VAC14: variants seen among roughly 807,000 people sequenced by gnomAD.
VAC14 encodes the protein protein VAC14 homolog.
In VAC14, 47 loss-of-function variants were observed where a neutral mutation model predicts 85.3. That is an observed-to-expected ratio of 0.55 (90% CI 0.44 to 0.70). The LOEUF (loss-of-function observed/expected upper bound fraction) is 0.70. Among genes scored for constraint, VAC14 ranks in the 30% least tolerant of loss-of-function variants. VAC14 has a pLI of 0.00. For missense variants in VAC14, 861 were observed against 1,004.3 expected (o/e 0.86, Z 1.93); for synonymous variants, 447 against 430.5 (o/e 1.04, Z -0.47).
intron 13 of VAC14, among the ~76,000 whole-genome samples, chr16:70,736,780 T>C: frequency 6.6e-6 from 1 of 152,166 alleles, no homozygotes; most frequent in Non-Finnish European, 1.5e-5. Flanking sequence ...TTAAAGACTT[T>C]CTGCCCTCCC....
intron 14 of VAC14, among the ~76,000 whole-genome samples, chr16:70,700,722 C>G (rs1156478003): frequency 6.6e-6 from 1 of 152,228 alleles, no homozygotes; most frequent in Non-Finnish European, 1.5e-5. Context: ...GTCCCCCAAC[C>G]CCTCCATGAG....
intron 14 of VAC14, among the ~76,000 whole-genome samples, chr16:70,726,187 G>A (rs965850437): frequency 2.0e-5 from 3 of 152,262 alleles, no homozygotes; most frequent in African/African-American, 7.2e-5. Flanking sequence ...TTCACGGGGA[G>A]ACAAGGCCTG....
chr16:70,784,886 T>G, intron 3 of VAC14, 48 bp from the exon 4 acceptor site: 64 of 1,554,976 alleles, frequency 4.1e-5, no homozygotes, highest in Middle Eastern at 1.7e-4. Flanking sequence ...AGGGTCACGG[T>G]TGGATGCAAG....
rs1228127778 is a variant in VAC14, at chr16:70,744,429, T to C, written c.1522A>G (p.Thr508Ala). The C allele has an allele frequency of 6.8e-6, 11 of 1,613,762 alleles. No homozygotes were observed. Among genetic ancestry groups the C allele is most frequent in the Non-Finnish European group, 8.5e-6 (10 of 1,179,958 alleles). ...CCTTCAGGAGAAGACTTACCAGAGG[T>C]GTTCAGTAGGCCGGCTCTGCCAGGG... ...PTPGRAGLLN[T>A]SGTKGLECSP... Residue 508 changes from threonine (T) to alanine (A), a missense_variant, in exon 13 of 19, where the codon ACC (threonine) becomes GCC (alanine). By Grantham distance (58) the Thr-to-Ala change is moderately conservative (BLOSUM62 0). Around this residue, in one of 3 missense-constraint regions of VAC14, gnomAD observed 629 missense variants for 703.1 expected, o/e 0.89. Transcript: ENST00000261776.
intron 17 of VAC14, 90 bp downstream of exon 17, chr16:70,695,452 CAA>C: frequency 7.3e-7 from 1 of 1,372,098 alleles, no homozygotes; most frequent in South Asian, 1.2e-5. Context: ...CCTCCCCAGC[CAA>C]AAGAGACCAA....
chr16:70,784,722 G>T, intron 4 of VAC14, 54 bp downstream of exon 4: 1 of 1,523,936 alleles, frequency 6.6e-7, no homozygotes, highest in Non-Finnish European at 9.1e-7. Context: ...AAGCTTTACA[G>T]ACAGACGGGA....
At chr16:70,798,060 A>C (rs1197372756) in intron 1 of VAC14, among the ~76,000 whole-genome samples, 20 of 152,250 alleles carry the variant, frequency 1.3e-4, no homozygotes, top group Admixed American at 1.3e-3. Context: ...ATTAGCTCAA[A>C]CAACTCTATG....
intron 18 of VAC14, chr16:70,688,494 T>C (rs2053540920): frequency 2.0e-6 from 2 of 989,370 alleles, no homozygotes; most frequent in Non-Finnish European, 2.4e-6. Context: ...GCTTGGCCCT[T>C]TCTCTGAGAG....
At chr16:70,706,087 T>C (rs2053915442) in intron 14 of VAC14, among the ~76,000 whole-genome samples, 1 of 152,044 alleles carries the variant, frequency 6.6e-6, no homozygotes, top group Non-Finnish European at 1.5e-5. Context: ...CCCCAGCAGG[T>C]CCAATTCTCT....
At position 70,687,876 on chromosome 16, in the gene VAC14, C is replaced by T; in HGVS notation, c.*52G>A. 1 of 1,430,612 alleles carries T rather than the reference C, an allele frequency of 7.0e-7. No individual in the cohort carries two copies. Among genetic ancestry groups the T allele is most frequent in the South Asian group, 1.5e-5 (1 of 64,542 alleles). The allele number at this position is 1,430,612 out of a possible 1,614,324, so 88.6% of individuals were successfully genotyped here. On this transcript the variant is annotated 3_prime_UTR_variant, in exon 19 of 19. Coordinates refer to ENST00000261776, the MANE Select transcript of VAC14 (RefSeq NM_018052.5). ...TGAGCTCCTCGGGAGGGCGTGACGA[C>T]CCTTAGTGTTTCATGGGACCACTCG...
intron 12 of VAC14, chr16:70,747,044 C>G (rs866680400): frequency 6.6e-6 from 1 of 152,150 alleles, no homozygotes; most frequent in Non-Finnish European, 1.5e-5. Context: ...ATGCTCACAG[C>G]GGCATTTTTC....
At chr16:70,718,381 G>A (rs1422916687) in intron 14 of VAC14, among the ~76,000 whole-genome samples, 2 of 152,074 alleles carry the variant, frequency 1.3e-5, no homozygotes, top group Non-Finnish European at 2.9e-5. Flanking sequence ...GACCATCCTG[G>A]CTAACATGGT....
chr16:70,783,477 G>C lies in VAC14; in HGVS notation c.672C>G (p.Ile224Met). The C allele has an allele frequency of 6.2e-7, 1 of 1,614,076 alleles. No individual in the cohort carries two copies. Residue 224 changes from isoleucine (I) to methionine (M), a missense_variant, in exon 6 of 19, where the codon ATC becomes ATG. Coordinates refer to ENST00000261776, the MANE Select transcript of VAC14 (RefSeq NM_018052.5). The stretch of plus-strand genomic sequence containing the variant: ...GAATCTCTTTGCCATTGTCACCCAG[G>C]ATCTGGAAGAGTCCATCCAGGATCT... ...LPEILDGLFQ[I>M]LGDNGKEIRK...
At chr16:70,787,583 C>T (rs1353985972) in intron 1 of VAC14, among the ~76,000 whole-genome samples, 1 of 152,210 alleles carries the variant, frequency 6.6e-6, no homozygotes, top group Non-Finnish European at 1.5e-5. Flanking sequence ...GGCCTCTGCC[C>T]TCCCAAATCT....
intron 1 of VAC14, among the ~76,000 whole-genome samples, chr16:70,798,785 C>G (rs879581579): frequency 6.6e-6 from 1 of 152,182 alleles, no homozygotes; most frequent in Admixed American, 6.5e-5. Flanking sequence ...CTGTAGGCCA[C>G]GCTTTTGGGC....
chr16:70,786,703 C>T (rs2034076621), intron 1 of VAC14, among the ~76,000 whole-genome samples: 1 of 152,218 alleles, frequency 6.6e-6, no homozygotes, highest in Non-Finnish European at 1.5e-5. Context: ...ACTCAGCTTT[C>T]CATTCGTGCA....
At chr16:70,694,430 C>T (rs1195603496) in intron 17 of VAC14, among the ~76,000 whole-genome samples, 1 of 152,196 alleles carries the variant, frequency 6.6e-6, no homozygotes, top group Middle Eastern at 3.2e-3. Context: ...AGGGTCTCCC[C>T]CCTGCTCTTC....
chr16:70,690,106 C>T (rs2053570391), intron 18 of VAC14: 11 of 985,456 alleles, frequency 1.1e-5, no homozygotes, highest in South Asian at 4.7e-5. Flanking sequence ...ATGGCAAACC[C>T]GGGAAGATGG....
chr16:70,744,532 G>A lies in VAC14; in HGVS notation c.1419C>T (p.Pro473=), dbSNP rs139344687. Residue 473 remains proline, a synonymous_variant, in exon 13 of 19, where the codon CCC becomes CCT. Transcript: ENST00000261776. The part of the protein sequence containing the change: ...LEVLAEIASS[P]AGQTDDPGPL... ...GGCCTGGGTCATCCGTCTGGCCTGC[G>A]GGGGAGGAAGCGATTTCTGCCAGCA... The A allele has an allele frequency of 1.9e-5, 31 of 1,611,148 alleles. No homozygotes were observed. The highest frequency in any genetic ancestry group is 1.7e-4 in the Middle Eastern group (1 of 5,988).
Sources: allele counts gnomAD v4.1 joint callset (sites outside exome capture counted in the v4.1 genomes callset), GRCh38; gene constraint gnomAD v4.1.1; regional missense constraint gnomAD v4.1.1; transcripts MANE v1.5; gene names NCBI Gene and HGNC (gene_info 2026-07-23, HGNC 2026-07-21).